MLIP: variants seen among roughly 807,000 people sequenced by gnomAD.
The protein encoded by MLIP is muscular LMNA-interacting protein.
In MLIP, 79 loss-of-function variants were observed where a neutral mutation model predicts 84.8. The ratio of observed to expected loss-of-function variants is 0.93; its 90% CI spans 0.78 to 1.12. MLIP has a LOEUF of 1.12. Ranked by LOEUF, MLIP falls within the 50% of genes most tolerant of loss-of-function variation. The pLI, the probability that MLIP is intolerant of heterozygous loss-of-function variation, is 0.00. For synonymous variants in MLIP, 504 were observed against 463.0 expected (o/e 1.09, Z -1.14); for missense variants, 1,257 against 1,160.6 (o/e 1.08, Z -1.21).
chr6:54,161,508 A>G (rs1047107345), intron 8 of MLIP, among the ~76,000 whole-genome samples: 4 of 151,926 alleles, frequency 2.6e-5, no homozygotes, highest in Non-Finnish European at 5.9e-5. Context: ...CAAAATGCGT[A>G]TGATTTTTCC....
At chr6:54,238,352 G>A (rs962017524) in intron 12 of MLIP, among the ~76,000 whole-genome samples, 8 of 152,000 alleles carry the variant, frequency 5.3e-5, no homozygotes, top group Admixed American at 5.2e-4. Flanking sequence ...AATTTCCAAG[G>A]TAAACCTCTC....
intron 1 of MLIP, among the ~76,000 whole-genome samples, chr6:54,025,004 A>ATTTTTT (rs79753738): frequency 7.1e-6 from 1 of 140,012 alleles, no homozygotes; most frequent in Non-Finnish European, 1.5e-5. Context: ...TGCCCAGCTA[A>ATTTTTT]TTTTTTTTTT....
Position 54,137,662 on chromosome 6 carries a change from G to A in MLIP, c.1593G>A (p.Leu531=), listed in dbSNP as rs1429609129. The change falls in exon 4 of 14, where the codon TTG becomes TTA. Residue 531 remains leucine (L), a synonymous_variant. Coordinates refer to ENST00000502396, the MANE Select transcript of MLIP (RefSeq NM_001281747.2). ...TAGAGAGAACACCATCACCTACTTT[G>A]AAGAGCAATACCATGCTCTCCCTGC... The part of the protein sequence containing the change: ...MNVERTPSPT[L]KSNTMLSLLQ... 1.4e-5 allele frequency: 21 copies of A among 1,535,904 alleles called. No homozygotes were observed. The highest frequency in any genetic ancestry group is 1.8e-5 in the Non-Finnish European group (21 of 1,146,904).
chr6:54,128,174 A>G (rs1289304964), intron 3 of MLIP, among the ~76,000 whole-genome samples: 1 of 152,188 alleles, frequency 6.6e-6, no homozygotes, highest in African/African-American at 2.4e-5. Flanking sequence ...TGGGGATGGG[A>G]AGAGATTAGA....
chr6:54,257,688 A>G (rs973682364), intron 13 of MLIP, among the ~76,000 whole-genome samples: 4 of 152,044 alleles, frequency 2.6e-5, no homozygotes, highest in Non-Finnish European at 5.9e-5. Flanking sequence ...TAGAGGGTCA[A>G]TGGATGTCCC....
chr6:54,170,990 C>T (rs1775714230), intron 9 of MLIP, among the ~76,000 whole-genome samples: 1 of 151,436 alleles, frequency 6.6e-6, no homozygotes, highest in South Asian at 2.1e-4. Flanking sequence ...AAAAAAGTTG[C>T]TGCAATTTTT....
intron 1 of MLIP, among the ~76,000 whole-genome samples, chr6:54,115,684 A>G (rs1229444178): frequency 6.6e-6 from 1 of 152,190 alleles, no homozygotes; most frequent in Non-Finnish European, 1.5e-5. Context: ...AGCATTTAAT[A>G]CGGGTGTGGA....
intron 4 of MLIP, among the ~76,000 whole-genome samples, chr6:54,138,972 A>G (rs1174332606): frequency 1.3e-5 from 2 of 152,218 alleles, no homozygotes; most frequent in African/African-American, 2.4e-5. Context: ...TTGAAATACC[A>G]TGGAGAGTAT....
intron 9 of MLIP, among the ~76,000 whole-genome samples, chr6:54,183,598 T>C (rs920962333): frequency 2.0e-5 from 3 of 151,664 alleles, no homozygotes; most frequent in Non-Finnish European, 2.9e-5. Context: ...CTACCAACTA[T>C]GTTCATGACA....
chr6:54,216,158 G>T (rs1779840511), intron 11 of MLIP: 5 of 985,128 alleles, frequency 5.1e-6, no homozygotes, highest in Non-Finnish European at 6.0e-6. Flanking sequence ...GGGCTCTAAA[G>T]ACTTAAATGT....
intron 9 of MLIP, among the ~76,000 whole-genome samples, chr6:54,183,586 G>A (rs147534295): frequency 4.4e-4 from 67 of 151,726 alleles, no homozygotes; most frequent in Middle Eastern, 3.4e-3. Context: ...CACTTGTTCC[G>A]TCTACCAACT....
chr6:54,165,056 C>A (rs1181760738), intron 8 of MLIP, among the ~76,000 whole-genome samples: 2 of 151,886 alleles, frequency 1.3e-5, no homozygotes, highest in Admixed American at 6.6e-5. Context: ...TCCATGGAAA[C>A]TCAAATTTCC....
chr6:54,057,535 G>T (rs187599556), intron 1 of MLIP, among the ~76,000 whole-genome samples: 131 of 152,302 alleles, frequency 8.6e-4, no homozygotes, highest in African/African-American at 2.9e-3. Context: ...AGCAGAACCT[G>T]CATTCTTAGA....
Position 54,136,954 on chromosome 6 carries a change from G to A in MLIP, c.885G>A (p.Ser295=). The change falls in exon 4 of 14, where the codon TCG becomes TCA. Residue 295 remains serine, a synonymous_variant. Coordinates refer to ENST00000502396, the MANE Select transcript of MLIP (RefSeq NM_001281747.2). ...TPFSASKGTS[S]TLLFPHSTQL... is the part of the protein sequence containing the mutation. ...TTTCTGCATCGAAGGGCACCTCCTC[G>A]ACGTTACTGTTTCCCCATTCCACTC... The A allele has an allele frequency of 6.5e-7, 1 of 1,536,028 alleles. No individual in the cohort carries two copies.
Position 54,111,662 on chromosome 6 carries a change from A to G in MLIP, c.96+87A>G. On this transcript the variant is annotated intron_variant, in intron 1 of 13. Transcript: ENST00000502396. ...GGTATTTGCTGCAAGGATGTGAGGG[A>G]GAGCTGCCCAGTGAAGATAAATTTG... The G allele has an allele frequency of 1.5e-6, 2 of 1,298,546 alleles. 1 individual carries two copies. Among genetic ancestry groups the G allele is most frequent in the East Asian group, 5.1e-5 (2 of 39,422 alleles). The allele number at this position is 1,298,546 out of a possible 1,614,324, so 80.4% of individuals were successfully genotyped here. A position where few individuals can be genotyped will look rare whatever the true frequency, so the allele number is the denominator to read the frequency against.
At chr6:54,044,644 T>TC (rs1764932579) in intron 1 of MLIP, among the ~76,000 whole-genome samples, 1 of 152,150 alleles carries the variant, frequency 6.6e-6, no homozygotes, top group Non-Finnish European at 1.5e-5. Flanking sequence ...ACGTTTTTTT[T>TC]TTTTTCTTCA....
intron 9 of MLIP, among the ~76,000 whole-genome samples, chr6:54,170,826 T>C (rs1447567688): frequency 1.3e-5 from 2 of 151,670 alleles, no homozygotes; most frequent in Non-Finnish European, 3.0e-5. Flanking sequence ...TCATATCTCC[T>C]TTCTTCTCTT....
intron 11 of MLIP, among the ~76,000 whole-genome samples, chr6:54,223,185 G>A (rs542294335): frequency 4.9e-4 from 74 of 151,652 alleles, no homozygotes; most frequent in African/African-American, 1.7e-3. Context: ...TATACTGTAG[G>A]TTGCCTTTTC....
intron 11 of MLIP, among the ~76,000 whole-genome samples, chr6:54,224,752 A>T (rs1780461721): frequency 6.7e-6 from 1 of 149,936 alleles, no homozygotes; most frequent in Non-Finnish European, 1.5e-5. Context: ...TCTTCCCCCC[A>T]AGTCCCCAAA....
Sources: gnomAD v4.1 joint callset for allele counts (sites outside exome capture counted in the v4.1 genomes callset) on GRCh38, gnomAD v4.1.1 for gene constraint, MANE v1.5 for transcripts, NCBI Gene and HGNC (gene_info 2026-07-23, HGNC 2026-07-21) for gene names.